DGCR2: variants seen among roughly 807,000 people sequenced by gnomAD.
DGCR2 encodes the protein DiGeorge syndrome critical region gene 2.
Under a neutral mutation model 51.6 loss-of-function variants are expected in DGCR2, and 24 were observed. The ratio of observed to expected loss-of-function variants is 0.47; its 90% CI spans 0.34 to 0.65. DGCR2 has a LOEUF of 0.65. Ranked by LOEUF, DGCR2 falls within the 30% of genes least tolerant of loss-of-function variation. The pLI is 0.01. For missense variants in DGCR2, 765 were observed against 772.1 expected, an observed-to-expected ratio of 0.99 and a Z score of 0.11; for synonymous variants, 340 against 315.4, an observed-to-expected ratio of 1.08 and a Z score of -0.82.
At position 19,048,624 on chromosome 22, in the gene DGCR2, G is replaced by A. The variant is rs370247571; in HGVS notation, c.822C>T (p.Ile274=). The change falls in exon 7 of 10, where the codon ATC becomes ATT. Residue 274 remains isoleucine, a synonymous_variant. Transcript: ENST00000263196. ...LCKRSQTCVD[I]KDNVVDEGFY... is the part of the protein sequence containing the mutation. ...ACCCTTCATCCACCACGTTGTCCTT[G>A]ATGTCAACACATGTTTGACCTGCAA... The A allele has an allele frequency of 9.3e-6, 15 of 1,614,204 alleles. No individual in the cohort carries two copies. The African/African-American group carries it at 1.9e-4, about 20-fold the overall frequency.
intron 2 of DGCR2, among the ~76,000 whole-genome samples, chr22:19,069,528 C>CT (rs1462380290): frequency 6.6e-6 from 1 of 152,198 alleles, no homozygotes; most frequent in Non-Finnish European, 1.5e-5. Flanking sequence ...CTACACAAAT[C>CT]TTTAAGAATA....
chr22:19,095,179 A>G (rs980961380), intron 1 of DGCR2, among the ~76,000 whole-genome samples: 1 of 152,098 alleles, frequency 6.6e-6, no homozygotes, highest in Non-Finnish European at 1.5e-5. Flanking sequence ...CCTGACCAAC[A>G]TGGAAAAACC....
intron 1 of DGCR2, among the ~76,000 whole-genome samples, chr22:19,100,298 T>C (rs1033031371): frequency 6.6e-6 from 1 of 151,988 alleles, no homozygotes; most frequent in African/African-American, 2.4e-5. Flanking sequence ...TCACCCCTTT[T>C]CACTGATGGC....
chr22:19,088,362 G>A (rs1435854455), intron 2 of DGCR2, among the ~76,000 whole-genome samples: 1 of 152,202 alleles, frequency 6.6e-6, no homozygotes, highest in East Asian at 1.9e-4. Context: ...TTCTCCCACT[G>A]GGGTAACATC....
chr22:19,102,170 A>G (rs1285882948), intron 1 of DGCR2, among the ~76,000 whole-genome samples: 1 of 152,270 alleles, frequency 6.6e-6, no homozygotes, highest in Non-Finnish European at 1.5e-5. Context: ...AGACAGACAC[A>G]AAAGAGGCAA....
chr22:19,045,871 C>T (rs1007980834), intron 7 of DGCR2, among the ~76,000 whole-genome samples: 29 of 152,134 alleles, frequency 1.9e-4, no homozygotes, highest in Non-Finnish European at 4.4e-5. Flanking sequence ...GTATTATAGG[C>T]ATAAGCCACC....
intron 2 of DGCR2, among the ~76,000 whole-genome samples, chr22:19,075,651 TC>T (rs2082867688): frequency 6.6e-6 from 1 of 152,230 alleles, no homozygotes; most frequent in Non-Finnish European, 1.5e-5. Context: ...CATTTGAGTA[TC>T]TTGATAGCAC....
At chr22:19,092,930 A>T (rs2146019223) in intron 1 of DGCR2, among the ~76,000 whole-genome samples, 1 of 151,750 alleles carries the variant, frequency 6.6e-6, no homozygotes, top group Non-Finnish European at 1.5e-5. Context: ...AGGAAGAAGG[A>T]AGGAAGGAGT....
chr22:19,113,658 C>T (rs1011732532), intron 1 of DGCR2, among the ~76,000 whole-genome samples: 3 of 152,146 alleles, frequency 2.0e-5, no homozygotes, highest in East Asian at 1.9e-4. Flanking sequence ...TGTCAGAAGG[C>T]GACACGCTCC....
chr22:19,098,204 C>T (rs2083162753), intron 1 of DGCR2, among the ~76,000 whole-genome samples: 1 of 152,240 alleles, frequency 6.6e-6, no homozygotes. Context: ...TCCCCTCTCC[C>T]CAGGTCTCAA....
In DGCR2 at chr22:19,082,694, G is replaced by A. The variant is rs2082953773; in HGVS notation, c.202+6674C>T. ...GAACCCAGGAGGTGGAGGTTGCAGT[G>A]AGCTGAGATCGCACCACTGCACTCC... On this transcript the variant is annotated intron_variant, in intron 2 of 9. Transcript: ENST00000263196. 3.9e-5 allele frequency among the ~76,000 whole-genome samples: 6 copies of A among 152,096 alleles called. No homozygotes were observed. In the South Asian group the frequency reaches 1.2e-3, roughly 32 times the overall value.
intron 1 of DGCR2, among the ~76,000 whole-genome samples, chr22:19,101,454 T>C (rs1402670239): frequency 6.6e-6 from 1 of 151,412 alleles, no homozygotes; most frequent in Non-Finnish European, 1.5e-5. Flanking sequence ...CAAAAGTAAA[T>C]GTGGGGCCTG....
intron 1 of DGCR2, among the ~76,000 whole-genome samples, chr22:19,120,580 G>A (rs2083421388): frequency 6.6e-6 from 1 of 152,152 alleles, no homozygotes; most frequent in African/African-American, 2.4e-5. Context: ...AAAGGAGTCG[G>A]GGACGTCAGT....
chr22:19,062,774 T>TTTTCTCTCTCTC (rs1569052709), intron 5 of DGCR2, among the ~76,000 whole-genome samples: 3 of 113,872 alleles, frequency 2.6e-5, no homozygotes, highest in Non-Finnish European at 1.9e-5. Flanking sequence ...CACACATGCA[T>TTTTCTCTCTCTC]GCTCACTCTC....
chr22:19,092,330 C>A (rs769285338), intron 1 of DGCR2, among the ~76,000 whole-genome samples: 2 of 142,186 alleles, frequency 1.4e-5, no homozygotes, highest in Admixed American at 7.1e-5. Flanking sequence ...GGCGACAGAA[C>A]GAGACTCCAT....
chr22:19,121,919 G>C (rs1048866077), intron 1 of DGCR2: 6 of 280,410 alleles, frequency 2.1e-5, no homozygotes, highest in Non-Finnish European at 2.6e-5. Context: ...CTGGACAGCA[G>C]AGCTGCACGA....
chr22:19,065,035 G>T lies in DGCR2; in HGVS notation c.361C>A (p.His121Asn), dbSNP rs762093643. ...FLGKCPTGWH[H>N]YEGTASCYRV... ...TAGCAGCTGGCCGTGCCTTCGTAGT[G>T]GTGCCACCCTGTCGGGCACTTCCCT... The change falls in exon 4 of 10, where the codon CAC becomes AAC. Residue 121 changes from histidine (H) to asparagine (N), a missense_variant. This residue lies in a region of DGCR2 where 370 missense variants were observed against 325.5 expected (regional missense o/e 1.14). Transcript: ENST00000263196. 6.2e-7 allele frequency: 1 copy of T among 1,614,014 alleles called. No homozygotes were observed.
intron 1 of DGCR2, among the ~76,000 whole-genome samples, chr22:19,114,938 G>A (rs2083357845): frequency 1.3e-5 from 2 of 152,220 alleles, no homozygotes; most frequent in South Asian, 4.1e-4. Flanking sequence ...AGGAAGACAA[G>A]CTAACCAAAC....
At chr22:19,082,169 C>T (rs2082945686) in intron 2 of DGCR2, among the ~76,000 whole-genome samples, 1 of 141,752 alleles carries the variant, frequency 7.1e-6, no homozygotes, top group African/African-American at 2.8e-5. Context: ...CCACCTTAGC[C>T]TACTGAGAAG....
Sources: allele counts gnomAD v4.1 joint callset (sites outside exome capture counted in the v4.1 genomes callset), GRCh38; gene constraint gnomAD v4.1.1; regional missense constraint gnomAD v4.1.1; transcripts MANE v1.5; gene names NCBI Gene and HGNC (gene_info 2026-07-23, HGNC 2026-07-21).